The following TMEM165 variants were observed in gnomAD, a reference collection of about 807,000 sequenced individuals.
TMEM165 encodes putative divalent cation/proton antiporter TMEM165.
A neutral mutation model predicts 30.0 loss-of-function variants in TMEM165; 19 were observed. The ratio of observed to expected loss-of-function variants is 0.63; its 90% CI spans 0.44 to 0.93. The LOEUF (loss-of-function observed/expected upper bound fraction) is 0.93, where lower values mean the gene tolerates loss of function less well. TMEM165 is among the 40% of genes least tolerant of loss of function. The probability of loss-of-function intolerance (pLI) is 0.00; values close to 1 mark genes in which losing one functional copy is unlikely to be tolerated. For synonymous variants in TMEM165, 168 were observed against 162.9 expected (o/e 1.03, Z -0.24); for missense variants, 340 against 417.0 (o/e 0.82, Z 1.61).
At chr4:55,424,806 C>CT (rs1382471334) in intron 5 of TMEM165, 163 bp downstream of exon 5, 5 of 569,750 alleles carry the variant, frequency 8.8e-6, no homozygotes, top group Non-Finnish European at 1.5e-5. Flanking sequence ...CAAATACGGA[C>CT]TTTTTTCACC....
chr4:55,450,546 T>C (rs1053025341), intron 3 of TMEM165, among the ~76,000 whole-genome samples: 5 of 152,114 alleles, frequency 3.3e-5, no homozygotes, highest in African/African-American at 1.2e-4. Context: ...AGCAGGCAGA[T>C]CACCTGAGGT....
downstream of TMEM165, among the ~76,000 whole-genome samples, chr4:55,427,085 G>C (rs1399488578): frequency 6.7e-6 from 1 of 149,980 alleles, no homozygotes; most frequent in East Asian, 2.0e-4. Context: ...CCAGGCTGGA[G>C]TGCAGTGGTG....
chr4:55,441,168 C>T (rs1285363725), intron 3 of TMEM165, among the ~76,000 whole-genome samples: 1 of 152,142 alleles, frequency 6.6e-6, no homozygotes, highest in Non-Finnish European at 1.5e-5. Flanking sequence ...TGGTTTCTGT[C>T]CCCCTCAAAA....
In TMEM165 at chr4:55,443,597, T is replaced by A. The variant is rs1723548000; in HGVS notation, c.409-8642T>A. On this transcript the variant is annotated intron_variant, in intron 3 of 3. Transcript: ENST00000608091. The stretch of plus-strand genomic sequence containing the variant: ...AATACTATTAAATTTTGAAATGATA[T>A]TTTATCATTAGAGCTTTATTTCTGC... 3.0e-6 allele frequency: 3 copies of A among 988,132 alleles called. No homozygotes were observed. The South Asian group carries it at 4.0e-5, about 13-fold the overall frequency. 61.2% of individuals were successfully genotyped at this position (988,132 alleles called of 1,614,324 possible).
In TMEM165 at chr4:55,396,113, G is replaced by T. The variant is rs953575973; in HGVS notation, c.-77G>T. ...GCGAGTCGTGAGGACGCGCCGCGGA[G>T]GCTGTTCGGGGTCGAGGCTTCCCGT... On this transcript the variant is annotated 5_prime_UTR_variant, in exon 1 of 6. It adds an upstream start codon to the 5' untranslated region. Coordinates refer to ENST00000381334, the MANE Select transcript of TMEM165 (RefSeq NM_018475.5). 2.5e-6 allele frequency: 3 copies of T among 1,215,976 alleles called. No homozygotes were observed. Among genetic ancestry groups the T allele is most frequent in the African/African-American group, 1.6e-5 (1 of 62,214 alleles). The allele number at this position is 1,215,976 out of a possible 1,614,324, so 75.3% of individuals were successfully genotyped here. A position where few individuals can be genotyped will look rare whatever the true frequency, so the allele number is the denominator to read the frequency against.
intron 3 of TMEM165, chr4:55,435,103 C>T (rs1722777679): frequency 2.7e-6 from 1 of 371,970 alleles, no homozygotes; most frequent in East Asian, 6.4e-5. Context: ...TTTCTGATTC[C>T]CTGGAGGTCA....
At chr4:55,427,581 G>C (rs936171234), downstream of TMEM165, among the ~76,000 whole-genome samples, 1 of 148,770 alleles carries the variant, frequency 6.7e-6, no homozygotes, top group Non-Finnish European at 1.5e-5. Flanking sequence ...ATGACCTTAG[G>C]TGATCCACCC....
At chr4:55,431,093 T>A (rs1350008949), downstream of TMEM165, 5 of 152,176 alleles carry the variant, frequency 3.3e-5, no homozygotes, top group African/African-American at 1.2e-4. Flanking sequence ...TCAAAATGAG[T>A]AATTGCAATA....
At chr4:55,449,487 G>T in intron 3 of TMEM165, 1 of 1,613,986 alleles carries the variant, frequency 6.2e-7, no homozygotes, top group South Asian at 1.1e-5. Flanking sequence ...CGGGATCTTG[G>T]TTGGTGTTGC....
intron 5 of TMEM165, 152 bp downstream of exon 5, chr4:55,424,795 G>A: frequency 1.7e-6 from 1 of 580,564 alleles, no homozygotes; most frequent in South Asian, 2.3e-5. Context: ...TCCTGGTATT[G>A]CAAATACGGA....
At chr4:55,400,999 A>G (rs2109521242) in intron 1 of TMEM165, among the ~76,000 whole-genome samples, 1 of 150,730 alleles carries the variant, frequency 6.6e-6, no homozygotes, top group South Asian at 2.1e-4. Flanking sequence ...TTAAGAGGGT[A>G]GGTAGGATAT....
chr4:55,435,590 G>C, intron 3 of TMEM165: 2 of 1,613,810 alleles, frequency 1.2e-6, no homozygotes, highest in South Asian at 1.1e-5. Context: ...GAGCAACCTA[G>C]AAGTCTAAAA....
downstream of TMEM165, among the ~76,000 whole-genome samples, chr4:55,427,411 C>T (rs528793871): frequency 4.7e-5 from 7 of 148,996 alleles, no homozygotes; most frequent in East Asian, 2.0e-4. Context: ...GGCGCAATCT[C>T]GGCTCACTGC....
At chr4:55,438,880 T>C (rs1225936043) in intron 3 of TMEM165, among the ~76,000 whole-genome samples, 1 of 152,168 alleles carries the variant, frequency 6.6e-6, no homozygotes, top group Non-Finnish European at 1.5e-5. Context: ...ATAAAACTCT[T>C]AGAAGAAAAC....
intron 3 of TMEM165, among the ~76,000 whole-genome samples, chr4:55,439,434 GC>G (rs1239923712): frequency 1.3e-5 from 2 of 152,110 alleles, no homozygotes; most frequent in Non-Finnish European, 2.9e-5. Context: ...AAATGGTGCA[GC>G]CACTATGGAA....
chr4:55,449,541 T>C (rs770681108), intron 3 of TMEM165: 47 of 1,472,518 alleles, frequency 3.2e-5, no homozygotes, highest in Admixed American at 2.4e-4. Flanking sequence ...TTATAAAATA[T>C]AGTTTTTAAA....
intron 1 of TMEM165, among the ~76,000 whole-genome samples, chr4:55,407,146 G>A (rs1463891177): frequency 6.6e-6 from 1 of 152,182 alleles, no homozygotes; most frequent in Non-Finnish European, 1.5e-5. Context: ...AGCTGGAGTT[G>A]CTGGGATAGG....
chr4:55,409,751 T>G (rs1721409410), intron 1 of TMEM165, among the ~76,000 whole-genome samples: 3 of 152,202 alleles, frequency 2.0e-5, no homozygotes, highest in Non-Finnish European at 2.9e-5. Context: ...TTCCCTTCTC[T>G]GGAACTCAGA....
chr4:55,434,332 A>C (rs1469210108), intron 3 of TMEM165: 1 of 152,648 alleles, frequency 6.6e-6, no homozygotes, highest in Non-Finnish European at 1.5e-5. Flanking sequence ...CATGATTGAG[A>C]ATGTTAAAAA....
Sources: allele counts gnomAD v4.1 joint callset (sites outside exome capture counted in the v4.1 genomes callset), GRCh38; gene constraint gnomAD v4.1.1; transcripts MANE v1.5; gene names NCBI Gene and HGNC (gene_info 2026-07-23, HGNC 2026-07-21).